PPARGC1A: variants seen among roughly 807,000 people sequenced by gnomAD.
The protein encoded by PPARGC1A is peroxisome proliferator-activated receptor gamma coactivator 1-alpha.
PPARGC1A carries 25 observed loss-of-function variants against 88.7 expected under a neutral mutation model. The observed-to-expected ratio is 0.28, with a 90% CI of 0.21 to 0.39. PPARGC1A has a LOEUF of 0.39. Among genes scored for constraint, PPARGC1A ranks in the 10% least tolerant of loss-of-function variants. The probability of loss-of-function intolerance (pLI) is 1.00; values close to 1 mark genes in which losing one functional copy is unlikely to be tolerated. For missense variants in PPARGC1A, 880 were observed against 968.7 expected (o/e 0.91, Z 1.22); for synonymous variants, 363 against 355.6 (o/e 1.02, Z -0.24).
At chr4:23,863,704 C>T (rs1216648560) in intron 2 of PPARGC1A, among the ~76,000 whole-genome samples, 2 of 152,128 alleles carry the variant, frequency 1.3e-5, no homozygotes, top group African/African-American at 4.8e-5. Context: ...CACGTTTCCT[C>T]TCCGTCCATG....
chr4:24,123,238 G>C, the PPARGC1A span, among the ~76,000 whole-genome samples: 1 of 152,196 alleles, frequency 6.6e-6, no homozygotes, highest in Non-Finnish European at 1.5e-5. Context: ...AGCCAGAACA[G>C]ACCTCTGCCA....
chr4:24,010,105 C>G, the PPARGC1A span, among the ~76,000 whole-genome samples: 1 of 152,182 alleles, frequency 6.6e-6, no homozygotes, highest in South Asian at 2.1e-4. Context: ...TTTCATTAGA[C>G]CTGCAGTCAA....
At chr4:24,084,995 C>A in the PPARGC1A span, among the ~76,000 whole-genome samples, 11 of 152,194 alleles carry the variant, frequency 7.2e-5, no homozygotes, top group Non-Finnish European at 1.3e-4. Flanking sequence ...TGGTTTTGAC[C>A]CATCATCACC....
chr4:24,158,596 C>T, the PPARGC1A span, among the ~76,000 whole-genome samples: 1 of 152,166 alleles, frequency 6.6e-6, no homozygotes, highest in Non-Finnish European at 1.5e-5. Context: ...TATAAGTTAA[C>T]AAGCAGATGA....
the PPARGC1A span, among the ~76,000 whole-genome samples, chr4:24,105,574 C>T: frequency 9.9e-5 from 15 of 152,260 alleles, no homozygotes; most frequent in East Asian, 3.9e-4. Flanking sequence ...TGTCTGGAGT[C>T]GTGCCCAGAA....
chr4:24,353,144 A>G, the PPARGC1A span, among the ~76,000 whole-genome samples: 1 of 151,812 alleles, frequency 6.6e-6, no homozygotes, highest in Admixed American at 6.6e-5. Context: ...GGCTTAATGC[A>G]GTAGAATCTG....
At chr4:23,868,201 G>A (rs1370196328) in intron 2 of PPARGC1A, among the ~76,000 whole-genome samples, 1 of 152,126 alleles carries the variant, frequency 6.6e-6, no homozygotes, top group African/African-American at 2.4e-5. Flanking sequence ...ACCCGCCAAT[G>A]CACATTCGCT....
At chr4:24,164,440 G>C in the PPARGC1A span, among the ~76,000 whole-genome samples, 1 of 152,182 alleles carries the variant, frequency 6.6e-6, no homozygotes, top group Non-Finnish European at 1.5e-5. Context: ...TCCACAGCTG[G>C]AAGTTATTCC....
intron 1 of PPARGC1A, chr4:23,888,838 C>T (rs1717342162): frequency 1.5e-6 from 1 of 676,720 alleles, no homozygotes; most frequent in South Asian, 6.6e-5. Flanking sequence ...CCCCCTTACC[C>T]TACGTGCCCC....
chr4:24,393,881 G>T, the PPARGC1A span, among the ~76,000 whole-genome samples: 12 of 152,310 alleles, frequency 7.9e-5, no homozygotes, highest in African/African-American at 2.9e-4. Flanking sequence ...TGTTTTGGGA[G>T]GCCAAGGCAG....
chr4:23,853,334 G>T (rs1468834498), intron 2 of PPARGC1A, among the ~76,000 whole-genome samples: 1 of 152,020 alleles, frequency 6.6e-6, no homozygotes, highest in Non-Finnish European at 1.5e-5. Flanking sequence ...CATTAACTTA[G>T]GGTCATTATA....
chr4:24,427,650 T>A, the PPARGC1A span, among the ~76,000 whole-genome samples: 2 of 152,114 alleles, frequency 1.3e-5, no homozygotes, highest in Non-Finnish European at 2.9e-5. Context: ...TGGGCCAATA[T>A]CTGTCTAGAA....
the PPARGC1A span, among the ~76,000 whole-genome samples, chr4:24,216,995 A>G: frequency 6.6e-6 from 1 of 152,248 alleles, no homozygotes; most frequent in Non-Finnish European, 1.5e-5. Context: ...ATAGTAGGTC[A>G]TCACTATGCT....
chr4:23,915,565 TAA>T, the PPARGC1A span, among the ~76,000 whole-genome samples: 1 of 152,262 alleles, frequency 6.6e-6, no homozygotes, highest in East Asian at 1.9e-4. Flanking sequence ...TCTATTCTGC[TAA>T]AATGTAACAC....
the PPARGC1A span, among the ~76,000 whole-genome samples, chr4:23,985,872 G>A: frequency 9.2e-5 from 14 of 151,948 alleles, no homozygotes; most frequent in Non-Finnish European, 1.5e-4. Flanking sequence ...GAAAATTATG[G>A]TACACAATGG....
the PPARGC1A span, among the ~76,000 whole-genome samples, chr4:24,472,897 G>A: frequency 6.7e-6 from 1 of 148,646 alleles, no homozygotes; most frequent in Non-Finnish European, 1.5e-5. The surrounding 1 kb of genome is among the most constrained non-coding windows in gnomAD (Gnocchi z 4.5). Flanking sequence ...CGAGCGGGCG[G>A]GCGTGTGCGC....
the PPARGC1A span, among the ~76,000 whole-genome samples, chr4:24,231,429 C>T: frequency 1.5e-4 from 23 of 152,280 alleles, no homozygotes; most frequent in East Asian, 4.4e-3. Context: ...ACTCTCCAGT[C>T]CGGTCCAGTC....
chr4:24,136,141 C>T, the PPARGC1A span, among the ~76,000 whole-genome samples: 7 of 152,280 alleles, frequency 4.6e-5, no homozygotes, highest in South Asian at 1.5e-3. Flanking sequence ...ATATTGGCAC[C>T]TCGCATCCAG....
the PPARGC1A span, among the ~76,000 whole-genome samples, chr4:24,215,950 G>A: frequency 6.6e-6 from 1 of 152,088 alleles, no homozygotes; most frequent in Non-Finnish European, 1.5e-5. Flanking sequence ...AAATGTTCTA[G>A]GCATGGAGCT....
Sources: gnomAD v4.1 joint callset for allele counts (sites outside exome capture counted in the v4.1 genomes callset) on GRCh38, gnomAD v4.1.1 for gene constraint, Gnocchi (gnomAD v3.1) non-coding constraint, MANE v1.5 for transcripts, NCBI Gene and HGNC (gene_info 2026-07-23, HGNC 2026-07-21) for gene names.